The following DCDC2 variants were observed in gnomAD, a reference collection of about 807,000 sequenced individuals.
DCDC2 encodes the protein doublecortin domain-containing protein 2.
Under a neutral mutation model 50.2 loss-of-function variants are expected in DCDC2, and 40 were observed. That is an observed-to-expected ratio of 0.80 (90% confidence interval 0.62 to 1.04). The LOEUF is 1.04. DCDC2 is among the 50% of genes least tolerant of loss of function. The pLI is 0.00. For synonymous variants in DCDC2, 234 were observed against 210.6 expected, an observed-to-expected ratio of 1.11 and a Z score of -0.96; for missense variants, 570 against 581.9, an observed-to-expected ratio of 0.98 and a Z score of 0.21.
At chr6:24,359,514 ATATATATTT>A (rs1360336777), upstream of DCDC2, among the ~76,000 whole-genome samples, 12 of 100,656 alleles carry the variant, frequency 1.2e-4, no homozygotes, top group African/African-American at 4.4e-4. Flanking sequence ...TTTATATATT[ATATATATTT>A]TATATATATT....
At chr6:24,342,928 C>A (rs1472065892) in intron 2 of DCDC2, among the ~76,000 whole-genome samples, 1 of 152,124 alleles carries the variant, frequency 6.6e-6, no homozygotes, top group Non-Finnish European at 1.5e-5. Context: ...ATGTATCTTA[C>A]CTTTTAAAAC....
chr6:24,305,086 C>T lies in DCDC2; in HGVS notation c.349-3042G>A, dbSNP rs182815602. On this transcript the variant is annotated intron_variant, in intron 2 of 9. Coordinates refer to ENST00000378454, the MANE Select transcript of DCDC2 (RefSeq NM_016356.5). ...TATATCAATAAGTAACTTTAAAAAT[C>T]TTGTTGCATTGTCTAAAACATGCTG... 7.2e-5 allele frequency among the ~76,000 whole-genome samples: 11 copies of T among 152,236 alleles called. No homozygotes were observed. In the East Asian group the frequency reaches 2.1e-3, roughly 29 times the overall value.
intron 7 of DCDC2, among the ~76,000 whole-genome samples, chr6:24,220,101 C>T (rs1762065085): frequency 2.6e-5 from 4 of 152,168 alleles, no homozygotes; most frequent in African/African-American, 9.7e-5. Context: ...CCTTACTCAA[C>T]AGTAAGCCTA....
At chr6:24,307,231 C>T (rs890818563) in intron 2 of DCDC2, among the ~76,000 whole-genome samples, 6 of 151,922 alleles carry the variant, frequency 3.9e-5, no homozygotes, top group African/African-American at 1.5e-4. Context: ...TCTTGAAAAC[C>T]TGGTCCAAAA....
At chr6:24,266,816 A>G (rs1304769941) in intron 7 of DCDC2, among the ~76,000 whole-genome samples, 1 of 152,228 alleles carries the variant, frequency 6.6e-6, no homozygotes, top group African/African-American at 2.4e-5. Flanking sequence ...GATATACCCA[A>G]AAGAAAGGAA....
At chr6:24,177,405 A>G (rs1760948739) in intron 9 of DCDC2, among the ~76,000 whole-genome samples, 1 of 152,224 alleles carries the variant, frequency 6.6e-6, no homozygotes, top group African/African-American at 2.4e-5. Flanking sequence ...TAAGCAAGAT[A>G]AATCAGATGC....
intron 7 of DCDC2, among the ~76,000 whole-genome samples, chr6:24,268,734 G>C (rs1763178840): frequency 6.6e-6 from 1 of 151,948 alleles, no homozygotes; most frequent in Non-Finnish European, 1.5e-5. Context: ...ACTATGCCCG[G>C]CTAATTTTTG....
Position 24,185,688 on chromosome 6 carries a change from T to TACACAC in DCDC2, c.1024-7062_1024-7057dup, listed in dbSNP as rs35379687. Among the ~76,000 whole-genome samples, 732 of 144,476 alleles carry TACACAC rather than the reference T, an allele frequency of 5.1e-3. 12 individuals carry two copies. Among genetic ancestry groups the TACACAC allele is most frequent in the Admixed American group, 7.6e-3 (109 of 14,414 alleles). The allele number at this position is 144,476 out of a possible 152,430, so 94.8% of individuals were successfully genotyped here. A position where few individuals can be genotyped will look rare whatever the true frequency, so the allele number is the denominator to read the frequency against. The stretch of plus-strand genomic sequence containing the variant: ...CGGGTTTTACACCCATCCATACACA[T>TACACAC]ACACACACACACACACACACACACA... On this transcript the variant is annotated intron_variant, in intron 8 of 9. Transcript: ENST00000378454.
intron 2 of DCDC2, among the ~76,000 whole-genome samples, chr6:24,318,745 T>C (rs544305098): frequency 6.7e-6 from 1 of 150,326 alleles, no homozygotes; most frequent in East Asian, 2.0e-4. Context: ...TTCATTCTTT[T>C]TAACAGCTGA....
At chr6:24,293,396 A>G (rs1213593623) in intron 4 of DCDC2, among the ~76,000 whole-genome samples, 1 of 152,218 alleles carries the variant, frequency 6.6e-6, no homozygotes, top group East Asian at 1.9e-4. Context: ...GGGGCCAACC[A>G]TAAGATTTAT....
intron 5 of DCDC2, among the ~76,000 whole-genome samples, chr6:24,289,115 T>C (rs963527282): frequency 5.9e-5 from 9 of 152,264 alleles, no homozygotes; most frequent in African/African-American, 1.9e-4. Flanking sequence ...AATGTTTTCC[T>C]GTATAATATT....
intron 6 of DCDC2, among the ~76,000 whole-genome samples, chr6:24,288,149 G>A (rs946659359): frequency 1.3e-5 from 2 of 152,164 alleles, no homozygotes; most frequent in African/African-American, 4.8e-5. Flanking sequence ...TTAATTCAGG[G>A]TGTGGGTGGA....
chr6:24,293,600 C>G (rs1763798667), intron 4 of DCDC2, among the ~76,000 whole-genome samples: 1 of 152,158 alleles, frequency 6.6e-6, no homozygotes, highest in Non-Finnish European at 1.5e-5. Flanking sequence ...CTTCAACACT[C>G]CACTGACAGT....
At chr6:24,238,937 A>C (rs879668042) in intron 7 of DCDC2, among the ~76,000 whole-genome samples, 4 of 152,206 alleles carry the variant, frequency 2.6e-5, no homozygotes, top group Non-Finnish European at 5.9e-5. Flanking sequence ...TCTGCCTACT[A>C]TAGGAGAGAG....
chr6:24,188,830 G>C (rs1423424723), intron 8 of DCDC2, among the ~76,000 whole-genome samples: 1 of 151,988 alleles, frequency 6.6e-6, no homozygotes, highest in Admixed American at 6.6e-5. Flanking sequence ...GTACATAATA[G>C]TATAAACAAT....
intron 7 of DCDC2, among the ~76,000 whole-genome samples, chr6:24,261,278 C>CT (rs1352928700): frequency 1.4e-5 from 2 of 145,386 alleles, no homozygotes; most frequent in African/African-American, 2.5e-5. Context: ...GATGTCAGTG[C>CT]TTTTTTTTGT....
Position 24,278,205 on chromosome 6 carries a change from C to T in DCDC2, c.766G>A (p.Asp256Asn). 1.2e-6 allele frequency: 2 copies of T among 1,606,756 alleles called. No individual in the cohort carries two copies. The highest frequency in any genetic ancestry group is 1.7e-6 in the Non-Finnish European group (2 of 1,178,054). The part of the protein sequence containing the change: ...GSRKSKGSGN[D>N]RHSKSTVGSS... The stretch of plus-strand genomic sequence containing the variant: ...CCAACTGTTGACTTAGAGTGGCGAT[C>T]ATTTCCCTAAATGGCAAAGTATTAG... The change falls in exon 7 of 10, where the codon GAT (aspartate) becomes AAT (asparagine). Residue 256 changes from aspartate (D) to asparagine (N), a missense_variant. Asp to Asn is a conservative substitution (Grantham distance 23). Transcript: ENST00000378454.
chr6:24,240,937 T>C (rs1396614719), intron 7 of DCDC2, among the ~76,000 whole-genome samples: 1 of 152,216 alleles, frequency 6.6e-6, no homozygotes, highest in African/African-American at 2.4e-5. Flanking sequence ...AAAGTCAGAA[T>C]GTCTGTTCAC....
At chr6:24,253,851 T>C (rs1762841243) in intron 7 of DCDC2, among the ~76,000 whole-genome samples, 1 of 152,198 alleles carries the variant, frequency 6.6e-6, no homozygotes, top group African/African-American at 2.4e-5. Flanking sequence ...GCTGTATACT[T>C]AGGCTACACT....
Sources: allele counts gnomAD v4.1 joint callset (sites outside exome capture counted in the v4.1 genomes callset), GRCh38; gene constraint gnomAD v4.1.1; transcripts MANE v1.5; gene names NCBI Gene and HGNC (gene_info 2026-07-23, HGNC 2026-07-21).